USP48: variants seen among roughly 807,000 people sequenced by gnomAD.
USP48 encodes ubiquitin carboxyl-terminal hydrolase 48.
In USP48, 43 loss-of-function variants were observed where a neutral mutation model predicts 150.7. The observed-to-expected ratio is 0.29, with a 90% confidence interval of 0.22 to 0.37. USP48 has a LOEUF of 0.37. Ranked by LOEUF, USP48 falls within the 10% of genes least tolerant of loss-of-function variation. The pLI, the probability that USP48 is intolerant of heterozygous loss-of-function variation, is 1.00. For synonymous variants in USP48, 396 were observed against 425.9 expected (o/e 0.93, Z 0.86); for missense variants, 813 against 1,249.6 (o/e 0.65, Z 5.27).
chr1:21,746,974 T>TG, intron 8 of USP48, 93 bp downstream of exon 8: 1 of 962,122 alleles, frequency 1.0e-6, no homozygotes, highest in Non-Finnish European at 1.5e-6. Flanking sequence ...AAACAAAAAT[T>TG]GGCAATTGAC....
At position 21,704,274 on chromosome 1, in the gene USP48, T is replaced by C. The variant is rs1218890679; in HGVS notation, c.2503A>G (p.Ile835Val). ...TATGAAAACTTACTGGGCTCAGAAA[T>C]ATACTGTGTTTCTGAAGGGTTTACA... ...GDVNPSETQY[I>V]SEPKLCPECR... The change falls in exon 20 of 27, where the codon ATT becomes GTT. Residue 835 changes from isoleucine to valine, a missense_variant. Transcript: ENST00000308271. 6.2e-7 allele frequency: 1 copy of C among 1,612,018 alleles called. No individual in the cohort carries two copies.
chr1:21,687,282 G>A (rs2097582639), intron 24 of USP48, 43 bp from the exon 25 acceptor site: 3 of 1,585,010 alleles, frequency 1.9e-6, no homozygotes, highest in African/African-American at 1.3e-5. Flanking sequence ...AAGGGAGAGG[G>A]AGTCTGAAAT....
chr1:21,699,192 ATTTTTTTTT>A (rs71016932), intron 22 of USP48, among the ~76,000 whole-genome samples: 4 of 63,614 alleles, frequency 6.3e-5, no homozygotes, highest in African/African-American at 1.7e-4. Flanking sequence ...ACCACACCTA[ATTTTTTTTT>A]TTTTTTTTTT....
intron 4 of USP48, 77 bp from the exon 5 acceptor site, chr1:21,752,728 A>C (rs979128844): frequency 6.9e-7 from 1 of 1,458,778 alleles, no homozygotes. Context: ...TACATTCAAC[A>C]TTCCAGAAAC....
At chr1:21,726,610 G>A (rs2097737798) in intron 11 of USP48, 1 of 152,168 alleles carries the variant, frequency 6.6e-6, no homozygotes, top group South Asian at 2.1e-4. Context: ...ATCATAAAGA[G>A]TTGCACTGAC....
chr1:21,756,926 C>T, intron 2 of USP48: 1 of 985,404 alleles, frequency 1.0e-6, no homozygotes, highest in Non-Finnish European at 1.2e-6. Flanking sequence ...GGCATCACTG[C>T]TCATCTCTAG....
intron 3 of USP48, among the ~76,000 whole-genome samples, chr1:21,753,844 A>AC (rs1415631570): frequency 6.6e-6 from 1 of 150,438 alleles, no homozygotes; most frequent in Non-Finnish European, 1.5e-5. Flanking sequence ...AAAAAAAAAA[A>AC]AAAACTTTAA....
chr1:21,691,526 T>C (rs2097600680), intron 23 of USP48, among the ~76,000 whole-genome samples: 3 of 152,016 alleles, frequency 2.0e-5, no homozygotes, highest in Admixed American at 6.5e-5. Context: ...TCTTAGCTAC[T>C]TGGGAGGCTG....
intron 22 of USP48, among the ~76,000 whole-genome samples, chr1:21,696,599 T>C (rs1282295570): frequency 6.6e-6 from 1 of 152,166 alleles, no homozygotes; most frequent in African/African-American, 2.4e-5. Context: ...TAGAGGACAT[T>C]AGGGAGTTTT....
chr1:21,730,366 C>T (rs1473389949), intron 9 of USP48, among the ~76,000 whole-genome samples: 1 of 151,434 alleles, frequency 6.6e-6, no homozygotes, highest in Non-Finnish European at 1.5e-5. Flanking sequence ...CGATTGAACC[C>T]AGGAGGCAGA....
intron 1 of USP48, among the ~76,000 whole-genome samples, chr1:21,770,495 T>TC (rs1348451201): frequency 0.019 from 2,807 of 150,478 alleles, 91 homozygotes; most frequent in African/African-American, 0.064. Context: ...TTTTTTTTTT[T>TC]TTTTTGAGAC....
chr1:21,721,235 G>A, intron 13 of USP48, 69 bp from the exon 14 acceptor site: 2 of 1,570,286 alleles, frequency 1.3e-6, no homozygotes, highest in Non-Finnish European at 8.7e-7. Context: ...TTCTTTGCCT[G>A]TAAAAACAAC....
chr1:21,702,494 A>G (rs921627765), intron 21 of USP48, among the ~76,000 whole-genome samples: 1 of 151,790 alleles, frequency 6.6e-6, no homozygotes, highest in Non-Finnish European at 1.5e-5. Flanking sequence ...TTGCAGGTCA[A>G]TGGAAGAGGC....
chr1:21,698,673 G>A (rs1368894541), intron 22 of USP48, among the ~76,000 whole-genome samples: 2 of 152,054 alleles, frequency 1.3e-5, no homozygotes, highest in Non-Finnish European at 2.9e-5. Flanking sequence ...AGTGACAGCA[G>A]GCAATAAAAG....
chr1:21,740,664 C>G (rs2097779526), intron 8 of USP48, among the ~76,000 whole-genome samples: 1 of 152,136 alleles, frequency 6.6e-6, no homozygotes, highest in Non-Finnish European at 1.5e-5. Flanking sequence ...ACAAGTCACT[C>G]TAACTGCAAG....
chr1:21,774,142 GCA>G (rs2097890423), intron 1 of USP48, among the ~76,000 whole-genome samples: 1 of 151,294 alleles, frequency 6.6e-6, no homozygotes, highest in African/African-American at 2.4e-5. Context: ...TAACGCCACT[GCA>G]CTCCAGCCTG....
Position 21,703,605 on chromosome 1 carries a change from T to C in USP48, c.2529A>G (p.Glu843=). The part of the protein sequence containing the change: ...QYISEPKLCP[E]CREGLLCQQQ... Reference sequence around the variant, plus strand: ...GCTGACACAATAAGCCTTCTCTGCATTCTGGACAGAGTTCTTTGGGGGAAA... The same window carrying C: ...GCTGACACAATAAGCCTTCTCTGCACTCTGGACAGAGTTCTTTGGGGGAAA... Residue 843 remains glutamate, a synonymous_variant, in exon 21 of 27, where the codon GAA becomes GAG. Transcript: ENST00000308271. 1.2e-6 allele frequency: 2 copies of C among 1,608,388 alleles called. No individual in the cohort carries two copies. The highest frequency in any genetic ancestry group is 1.7e-6 in the Non-Finnish European group (2 of 1,179,110).
At position 21,736,551 on chromosome 1, in the gene USP48, C is replaced by T. The variant is rs1469194735; in HGVS notation, c.1066G>A (p.Ala356Thr). Residue 356 changes from alanine (A) to threonine (T), a missense_variant, in exon 9 of 27, where the codon GCC becomes ACC. Ala to Thr is a moderately conservative substitution (Grantham distance 58). Coordinates refer to ENST00000308271, the MANE Select transcript of USP48 (RefSeq NM_032236.8). The part of the protein sequence containing the change: ...GVSAYSGHYI[A>T]HVKDPQSGEW... ...CCAGACTGTGGATCTTTCACGTGGG[C>T]GATGTAGTGGCCAGAATAAGCACTC... 6.3e-7 allele frequency: 1 copy of T among 1,595,252 alleles called. No individual in the cohort carries two copies. Among genetic ancestry groups the T allele is most frequent in the Non-Finnish European group, 8.5e-7 (1 of 1,173,312 alleles).
chr1:21,777,366 C>CAA (rs141902650), intron 1 of USP48, among the ~76,000 whole-genome samples: 11 of 148,536 alleles, frequency 7.4e-5, no homozygotes, highest in African/African-American at 1.5e-4. Context: ...CCAAAAGCGT[C>CAA]AAAAAAAAAA....
Sources: gnomAD v4.1 joint callset for allele counts (sites outside exome capture counted in the v4.1 genomes callset) on GRCh38, gnomAD v4.1.1 for gene constraint, MANE v1.5 for transcripts, NCBI Gene and HGNC (gene_info 2026-07-23, HGNC 2026-07-21) for gene names.